KCNQ4: variants seen among roughly 807,000 people sequenced by gnomAD.
The protein encoded by KCNQ4 is potassium voltage-gated channel subfamily KQT member 4.
A neutral mutation model predicts 72.6 loss-of-function variants in KCNQ4; 31 were observed. The observed-to-expected ratio is 0.43, with a 90% CI of 0.32 to 0.58. The LOEUF (loss-of-function observed/expected upper bound fraction) is 0.58, where lower values mean the gene tolerates loss of function less well. Ranked by LOEUF, KCNQ4 falls within the 20% of genes least tolerant of loss-of-function variation. The probability of loss-of-function intolerance (pLI) is 0.08; values close to 1 mark genes in which losing one functional copy is unlikely to be tolerated. For missense variants in KCNQ4, 869 were observed against 962.6 expected (o/e 0.90, Z 1.29); for synonymous variants, 405 against 403.7 (o/e 1.00, Z -0.04).
intron 1 of KCNQ4, among the ~76,000 whole-genome samples, chr1:40,792,566 T>C (rs1171364984): frequency 6.6e-6 from 1 of 152,192 alleles, no homozygotes; most frequent in Non-Finnish European, 1.5e-5. Context: ...TCCCTCCTTA[T>C]GGAGTAACAT....
rs910165385 is a variant in KCNQ4, at chr1:40,838,689, T to G, written c.*166T>G. The G allele has an allele frequency of 4.3e-6, 3 of 690,690 alleles. No individual in the cohort carries two copies. The African/African-American group carries it at 5.3e-5, about 12-fold the overall frequency. The allele number at this position is 690,690 out of a possible 1,614,324, so 42.8% of individuals were successfully genotyped here. A position where few individuals can be genotyped will look rare whatever the true frequency, so the allele number is the denominator to read the frequency against. On this transcript the variant is annotated 3_prime_UTR_variant, in exon 14 of 14. Coordinates refer to ENST00000347132, the MANE Select transcript of KCNQ4 (RefSeq NM_004700.4). ...GAGTGGGCGTGGTACCTGCTGTGGG[T>G]GCCAGCGCCCCTTCCCCACCTCAGG...
At chr1:40,824,837 T>C (rs1648429621) in intron 9 of KCNQ4, among the ~76,000 whole-genome samples, 1 of 152,250 alleles carries the variant, frequency 6.6e-6, no homozygotes, top group Non-Finnish European at 1.5e-5. Flanking sequence ...TCCTTTCTTG[T>C]GCAGCCCTTG....
rs146737460 is a variant in KCNQ4 at position 40,793,955 on chromosome 1, G to A, written c.314+9548G>A. On this transcript the variant is annotated intron_variant, in intron 1 of 13. Coordinates refer to ENST00000347132, the MANE Select transcript of KCNQ4 (RefSeq NM_004700.4). ...TTTTCTGCATGGGACTATGAGAACT[G>A]GGTGTGTGGGGGTTGAACACAATTC... Among the ~76,000 whole-genome samples, 69 of 152,330 alleles carry A rather than the reference G, an allele frequency of 4.5e-4. No homozygotes were observed. In the East Asian group the frequency reaches 0.013, roughly 29 times the overall value.
intron 9 of KCNQ4, among the ~76,000 whole-genome samples, chr1:40,829,113 C>A (rs569084602): frequency 1.8e-4 from 27 of 152,374 alleles, no homozygotes; most frequent in Admixed American, 1.5e-3. Context: ...GCCATTGGAG[C>A]CTTATGTGGT....
chr1:40,822,514 G>A, intron 8 of KCNQ4, 112 bp downstream of exon 8: 1 of 816,032 alleles, frequency 1.2e-6, no homozygotes, highest in Non-Finnish European at 2.0e-6. Context: ...GCTCCCAGGG[G>A]AGCACCCTGG....
intron 9 of KCNQ4, among the ~76,000 whole-genome samples, chr1:40,827,578 T>C (rs1486880770): frequency 6.6e-6 from 1 of 152,164 alleles, no homozygotes; most frequent in African/African-American, 2.4e-5. Flanking sequence ...CAGCCTGAGC[T>C]CATGGAGTCC....
chr1:40,826,322 T>A (rs1014874599), intron 9 of KCNQ4, among the ~76,000 whole-genome samples: 5 of 152,318 alleles, frequency 3.3e-5, no homozygotes, highest in Admixed American at 6.5e-5. Context: ...AACCATGGTC[T>A]CCAGACCTCC....
intron 1 of KCNQ4, among the ~76,000 whole-genome samples, chr1:40,809,610 CCTG>C (rs1296366931): frequency 3.3e-5 from 5 of 152,220 alleles, no homozygotes; most frequent in Non-Finnish European, 7.3e-5. Context: ...ACTCCTCTTC[CCTG>C]CTGCCACCAC....
chr1:40,815,238 CAA>C (rs59957166), intron 1 of KCNQ4, among the ~76,000 whole-genome samples: 15 of 128,924 alleles, frequency 1.2e-4, no homozygotes, highest in East Asian at 2.2e-4. Flanking sequence ...GACTCCATCT[CAA>C]AAAAAAAAAA....
intron 5 of KCNQ4, 30 bp downstream of exon 5, chr1:40,819,502 T>TCTCCCTGGGATC: frequency 1.2e-6 from 2 of 1,612,462 alleles, no homozygotes; most frequent in Non-Finnish European, 1.7e-6. Flanking sequence ...GGGCTGCCCT[T>TCTCCCTGGGATC]CTCCCTGGGA....
chr1:40,808,209 G>T (rs561846446), intron 1 of KCNQ4, among the ~76,000 whole-genome samples: 1 of 152,060 alleles, frequency 6.6e-6, no homozygotes, highest in South Asian at 2.1e-4. Context: ...AAGGAAGGAG[G>T]CTCTGGAGGA....
At position 40,818,681 on chromosome 1, in the gene KCNQ4, G is replaced by C; in HGVS notation, c.708+1G>C. The stretch of plus-strand genomic sequence containing the variant: ...CTCAGTGGTCTACGCGCATAGCAAG[G>C]TGAGGCCTGCAAGCCGCGCGCGGAG... On this transcript the variant is annotated splice_donor_variant, in intron 4 of 13. Transcript: ENST00000347132. LOFTEE classifies it high-confidence loss of function. 1 of 1,597,798 alleles carries C rather than the reference G, an allele frequency of 6.3e-7. No homozygotes were observed. The highest frequency in any genetic ancestry group is 1.1e-5 in the South Asian group (1 of 89,910).
Position 40,835,004 on chromosome 1 carries a change from G to A in KCNQ4, c.1651G>A (p.Glu551Lys). Reference sequence around the variant, plus strand: ...CCTGGTGGCCAAAAGGAAATTCAAGGAGACACTGCGACCGTACGACGTGAA... The same window carrying A: ...CCTGGTGGCCAAAAGGAAATTCAAGAAGACACTGCGACCGTACGACGTGAA... ...KFLVAKRKFK[E>K]TLRPYDVKDV... is the part of the protein sequence containing the mutation. The change falls in exon 12 of 14, where the codon GAG becomes AAG. Residue 551 changes from glutamate (E) to lysine (K), a missense_variant. Glu to Lys is a moderately conservative substitution (Grantham distance 56). Coordinates refer to ENST00000347132, the MANE Select transcript of KCNQ4 (RefSeq NM_004700.4). The A allele has an allele frequency of 1.2e-6, 2 of 1,614,046 alleles. No individual in the cohort carries two copies. Among genetic ancestry groups the A allele is most frequent in the Non-Finnish European group, 1.7e-6 (2 of 1,179,932 alleles).
Position 40,820,254 on chromosome 1 carries a change from C to T in KCNQ4, c.1035C>T (p.Leu345=), listed in dbSNP as rs1348675206. Residue 345 remains leucine, a synonymous_variant, in exon 7 of 14, where the codon CTC becomes CTT. Coordinates refer to ENST00000347132, the MANE Select transcript of KCNQ4 (RefSeq NM_004700.4). ...AGCGGAGGATGCCGGCAGCCAACCT[C>T]ATCCAGGTACAAGATGCCCGGGAAG... is the stretch of plus-strand genomic sequence containing the variant. ...FEKRRMPAAN[L]IQAAWRLYST... The T allele has an allele frequency of 6.2e-7, 1 of 1,602,626 alleles. No homozygotes were observed. The highest frequency in any genetic ancestry group is 8.5e-7 in the Non-Finnish European group (1 of 1,174,754).
intron 1 of KCNQ4, among the ~76,000 whole-genome samples, chr1:40,806,156 A>G (rs1647754474): frequency 1.3e-5 from 2 of 152,182 alleles, no homozygotes; most frequent in Admixed American, 1.3e-4. Context: ...TGAAATTTTT[A>G]CGCCAAAGCC....
At position 40,788,722 on chromosome 1, in the gene KCNQ4, C is replaced by G. The variant is rs1293581300; in HGVS notation, c.314+4315C>G. Among the ~76,000 whole-genome samples the G allele has an allele frequency of 6.6e-6, 1 of 152,184 alleles. No homozygotes were observed. Among genetic ancestry groups the G allele is most frequent in the Non-Finnish European group, 1.5e-5 (1 of 68,032 alleles). On this transcript the variant is annotated intron_variant, in intron 1 of 13. Coordinates refer to ENST00000347132, the MANE Select transcript of KCNQ4 (RefSeq NM_004700.4). The surrounding 1 kb of genome is among the most constrained non-coding windows in gnomAD (Gnocchi z 4.5). Reference sequence around the variant, plus strand: ...ACTCCTGTGTCATCTGTCCGTCCATCCCAGCACCCCGCACACAGTCAGCAG... The same window carrying G: ...ACTCCTGTGTCATCTGTCCGTCCATGCCAGCACCCCGCACACAGTCAGCAG...
intron 13 of KCNQ4, 140 bp downstream of exon 13, chr1:40,837,934 C>T: frequency 1.7e-6 from 2 of 1,190,170 alleles, no homozygotes; most frequent in Non-Finnish European, 1.2e-6. Flanking sequence ...GGCCGAAGCC[C>T]CCGCCCTCGC....
rs915728622 is a variant in KCNQ4 at position 40,788,617 on chromosome 1, G to A, written c.314+4210G>A. On this transcript the variant is annotated intron_variant, in intron 1 of 13. Coordinates refer to ENST00000347132, the MANE Select transcript of KCNQ4 (RefSeq NM_004700.4). The surrounding 1 kb of genome is among the most constrained non-coding windows in gnomAD (Gnocchi z 4.5). ...ATGTGGAAGAGCCTCAGCCCGGAGC[G>A]GGGGCTGACTGGGAGCTGTTGCGCT... 3.9e-5 allele frequency among the ~76,000 whole-genome samples: 6 copies of A among 152,304 alleles called. No individual in the cohort carries two copies. The South Asian group carries it at 6.2e-4, about 16-fold the overall frequency.
At position 40,831,080 on chromosome 1, in the gene KCNQ4, C is replaced by A. The variant is rs1340918490; in HGVS notation, c.1293-4C>A. Reference sequence around the variant, plus strand: ...GCTCTCTCCCAACCTGCCTGCCCTGCCAGCAGCCGGATGGGCATCAAAGAC... The same window carrying A: ...GCTCTCTCCCAACCTGCCTGCCCTGACAGCAGCCGGATGGGCATCAAAGAC... On this transcript the variant is annotated splice_region_variant and splice_polypyrimidine_tract_variant and intron_variant, in intron 9 of 13. Coordinates refer to ENST00000347132, the MANE Select transcript of KCNQ4 (RefSeq NM_004700.4). The A allele has an allele frequency of 2.5e-6, 4 of 1,576,504 alleles. No homozygotes were observed. The highest frequency in any genetic ancestry group is 3.4e-6 in the Non-Finnish European group (4 of 1,160,782).
Sources: allele counts gnomAD v4.1 joint callset (sites outside exome capture counted in the v4.1 genomes callset), GRCh38; gene constraint gnomAD v4.1.1; non-coding constraint Gnocchi (gnomAD v3.1); transcripts MANE v1.5; gene names NCBI Gene and HGNC (gene_info 2026-07-23, HGNC 2026-07-21).